HELZ2: variants seen among roughly 807,000 people sequenced by gnomAD.
The protein encoded by HELZ2 is helicase with zinc finger 2, also known as 3'-5' exoribonuclease HELZ2.
In HELZ2, 143 loss-of-function variants were observed where a neutral mutation model predicts 208.8. The ratio of observed to expected loss-of-function variants is 0.68; its 90% CI spans 0.60 to 0.79. The LOEUF (loss-of-function observed/expected upper bound fraction) is 0.79, where lower values mean the gene tolerates loss of function less well. Among genes scored for constraint, HELZ2 ranks in the 30% least tolerant of loss-of-function variants. The pLI is 0.00. For synonymous variants in HELZ2, 1,705 were observed against 1,693.7 expected (o/e 1.01, Z -0.16); for missense variants, 3,690 against 3,794.5 (o/e 0.97, Z 0.72).
intron 1 of HELZ2, 140 bp downstream of exon 2, chr20:63,571,968 C>T (rs533145557): frequency 9.9e-5 from 93 of 936,800 alleles, no homozygotes; most frequent in South Asian, 1.8e-5. Flanking sequence ...ACGGTGGGCT[C>T]CTGCCCTACT....
chr20:63,565,675 C>T (rs2082945889), exon 8 of HELZ2: 9 of 1,609,366 alleles, frequency 5.6e-6, no homozygotes, highest in Non-Finnish European at 7.6e-6. Flanking sequence ...CCGTGGACTC[C>T]ACGCCCGCTG....
chr20:63,568,744 C>A (rs2082989347), exon 5 of HELZ2: 3 of 1,604,030 alleles, frequency 1.9e-6, no homozygotes, highest in Non-Finnish European at 2.5e-6. Flanking sequence ...GGGCCGGAAG[C>A]AGCAGCCACA....
chr20:63,562,346 C>G, exon 9 of HELZ2: 1 of 1,595,156 alleles, frequency 6.3e-7, no homozygotes. Context: ...CCAGCGGGGA[C>G]GCCTCCTCTA....
At chr20:63,560,588 C>G in exon 16 of HELZ2, 1 of 1,612,364 alleles carries the variant, frequency 6.2e-7, no homozygotes, top group Non-Finnish European at 8.5e-7. Context: ...GACAGGGCAG[C>G]TCTCCTTGCC....
exon 8 of HELZ2, chr20:63,566,228 C>T (rs984285691): frequency 6.1e-6 from 9 of 1,485,842 alleles, no homozygotes; most frequent in East Asian, 2.4e-5. Flanking sequence ...CCGGAACTGC[C>T]GCCCTGCAGG....
chr20:63,567,059 C>A, exon 6 of HELZ2: 6 of 1,612,104 alleles, frequency 3.7e-6, no homozygotes, highest in South Asian at 1.1e-5. Flanking sequence ...TTGCCCCTGG[C>A]GTGGATGGGG....
intron 5 of HELZ2, chr20:63,568,150 G>A (rs189322350): frequency 2.4e-5 from 14 of 589,582 alleles, no homozygotes; most frequent in East Asian, 1.1e-4. Context: ...CCAGGGCCCC[G>A]GCAGAGGCAC....
exon 8 of HELZ2, chr20:63,563,514 G>A (rs2082912804): frequency 1.3e-6 from 2 of 1,514,918 alleles, no homozygotes; most frequent in African/African-American, 1.4e-5. Flanking sequence ...TAGGGGACGG[G>A]GCAGGGGTCA....
At chr20:63,559,303 C>T (rs1192767913) in exon 19 of HELZ2, 1 of 1,599,118 alleles carries the variant, frequency 6.3e-7, no homozygotes, top group African/African-American at 1.3e-5. Flanking sequence ...GCACGAGGGT[C>T]TGCTGAGCCT....
At position 63,561,805 on chromosome 20, in the gene HELZ2, C is replaced by A. The variant is rs746610559; in HGVS notation, c.6691+18G>T. ...CGTGCCAGCTCCCCAAAGGCCCCCA[C>A]CGCCGACCCCGGCGCACCTGCCAGG... is the stretch of plus-strand genomic sequence containing the variant. On this transcript the variant is annotated intron_variant, in intron 11 of 18. Transcript: ENST00000467148. 15 of 1,552,484 alleles carry A rather than the reference C, an allele frequency of 9.7e-6. No homozygotes were observed. The highest frequency in any genetic ancestry group is 1.7e-4 in the Middle Eastern group (1 of 5,880).
upstream of HELZ2, among the ~76,000 whole-genome samples, chr20:63,573,835 G>A (rs1321426806): frequency 1.3e-5 from 2 of 152,110 alleles, no homozygotes; most frequent in African/African-American, 4.8e-5. This position sits in a 1 kb window ranked among gnomAD's most constrained non-coding sequence, Gnocchi z 4.9. Context: ...ACAGACTGGA[G>A]GCAGACTTCA....
chr20:63,559,191 G>A (rs927859366), downstream of HELZ2: 2 of 1,460,806 alleles, frequency 1.4e-6, no homozygotes, highest in South Asian at 1.4e-5. Flanking sequence ...GGGAGGGTGG[G>A]GGGGCCCTGG....
rs552667140 is a variant in HELZ2, at chr20:63,561,310, A to G, written c.6954-36T>C. 8.7e-5 allele frequency: 141 copies of G among 1,612,552 alleles called. 1 individual carries two copies. In the South Asian group the frequency reaches 1.4e-3, roughly 16 times the overall value. On this transcript the variant is annotated intron_variant, in intron 13 of 18. Transcript: ENST00000467148. The stretch of plus-strand genomic sequence containing the variant: ...CACTGCTTGTCACCCCAGGGCCCCC[A>G]TGCTGCAGGCAGCTCCACCCCCTGG...
At position 63,567,877 on chromosome 20, in the gene HELZ2, C is replaced by T. The variant is rs2082979722; in HGVS notation, c.1731-250G>A. ...TGCAGACACCTGCACCTCCCTGGTC[C>T]CCAGAACCCCCAATCCAGAAATCAG... is the stretch of plus-strand genomic sequence containing the variant. On this transcript the variant is annotated intron_variant, in intron 5 of 18. Coordinates refer to ENST00000467148, the Ensembl canonical transcript of HELZ2. 6 of 707,188 alleles carry T rather than the reference C, an allele frequency of 8.5e-6. No homozygotes were observed. In the South Asian group the frequency reaches 9.9e-5, roughly 12 times the overall value. The allele number at this position is 707,188 out of a possible 1,614,324, so 43.8% of individuals were successfully genotyped here.
chr20:63,561,330 C>T lies in HELZ2; in HGVS notation c.6953+20G>A, dbSNP rs1569028555. On this transcript the variant is annotated intron_variant, in intron 13 of 18. Transcript: ENST00000467148. ...CCCCCATGCTGCAGGCAGCTCCACC[C>T]CCTGGCCCCTGCCACTTACCAGACC... The T allele has an allele frequency of 3.1e-6, 5 of 1,612,742 alleles. No homozygotes were observed. The highest frequency in any genetic ancestry group is 4.5e-5 in the East Asian group (2 of 44,888).
Position 63,572,093 on chromosome 20 carries a change from C to G in HELZ2, c.278+15G>C. 1 of 1,596,730 alleles carries G rather than the reference C, an allele frequency of 6.3e-7. No homozygotes were observed. Among genetic ancestry groups the G allele is most frequent in the Non-Finnish European group, 8.5e-7 (1 of 1,171,166 alleles). On this transcript the variant is annotated intron_variant, in intron 1 of 18. Coordinates refer to ENST00000467148, the Ensembl canonical transcript of HELZ2. Reference sequence around the variant, plus strand: ...CTCCTGCCCTACTCCAAGCTCCTGCCTCGAGTATCCTTACTTTGGGCAGAG... The same window carrying G: ...CTCCTGCCCTACTCCAAGCTCCTGCGTCGAGTATCCTTACTTTGGGCAGAG...
At chr20:63,566,682 G>C (rs1350729344) in intron 6 of HELZ2, among the ~76,000 whole-genome samples, 162 bp downstream of exon 7, 1 of 151,522 alleles carries the variant, frequency 6.6e-6, no homozygotes, top group Non-Finnish European at 1.5e-5. Context: ...CCAAGCTCCA[G>C]ACACCTCAGG....
intron 1 of HELZ2, 78 bp downstream of exon 2, chr20:63,572,030 C>A: frequency 6.8e-7 from 1 of 1,480,190 alleles, no homozygotes; most frequent in South Asian, 1.4e-5. Context: ...CTGCCCCACT[C>A]CAAGCTCCTG....
At chr20:63,571,956 C>G (rs2083019478) in intron 1 of HELZ2, 152 bp downstream of exon 2, 1 of 783,898 alleles carries the variant, frequency 1.3e-6, no homozygotes, top group East Asian at 2.8e-5. Flanking sequence ...CTGGCTCTGC[C>G]TACGGTGGGC....
Sources: allele counts gnomAD v4.1 joint callset (sites outside exome capture counted in the v4.1 genomes callset), GRCh38; gene constraint gnomAD v4.1.1; non-coding constraint Gnocchi (gnomAD v3.1); transcripts MANE v1.5; gene names NCBI Gene and HGNC (gene_info 2026-07-23, HGNC 2026-07-21).